Variants in ERGIC1 observed in about 807,000 individuals in gnomAD.
ERGIC1 encodes endoplasmic reticulum-golgi intermediate compartment 1, also known as endoplasmic reticulum-Golgi intermediate compartment protein 1.
ERGIC1 carries 19 observed loss-of-function variants against 38.3 expected under a neutral mutation model. The ratio of observed to expected loss-of-function variants is 0.50; its 90% CI spans 0.35 to 0.73. The LOEUF is 0.73. ERGIC1 is among the 30% of genes least tolerant of loss of function. The pLI, the probability that ERGIC1 is intolerant of heterozygous loss-of-function variation, is 0.01. For missense variants in ERGIC1, 294 were observed against 389.2 expected, an observed-to-expected ratio of 0.76 and a Z score of 2.06; for synonymous variants, 124 against 157.6, an observed-to-expected ratio of 0.79 and a Z score of 1.60.
chr5:172,838,778 C>T (rs1160143081), intron 1 of ERGIC1, among the ~76,000 whole-genome samples: 2 of 152,180 alleles, frequency 1.3e-5, no homozygotes, highest in East Asian at 3.9e-4. Flanking sequence ...CCCTGGTAGC[C>T]CCATCAGTTC....
At chr5:172,907,389 C>T (rs1763061864) in intron 3 of ERGIC1, among the ~76,000 whole-genome samples, 1 of 152,160 alleles carries the variant, frequency 6.6e-6, no homozygotes, top group South Asian at 2.1e-4. Context: ...GAAACCCCAC[C>T]TCTACTAAAA....
chr5:172,877,410 A>ATGTGTG (rs34909688), intron 1 of ERGIC1, among the ~76,000 whole-genome samples: 251 of 102,334 alleles, frequency 2.5e-3, no homozygotes, highest in African/African-American at 7.3e-3. Context: ...TATTATATAT[A>ATGTGTG]TGTGTGTGTG....
chr5:172,925,656 G>T (rs1763634092), intron 6 of ERGIC1, among the ~76,000 whole-genome samples: 1 of 152,022 alleles, frequency 6.6e-6, no homozygotes, highest in African/African-American at 2.4e-5. Flanking sequence ...GGGGCCACGT[G>T]GGCCTGTCTC....
intron 7 of ERGIC1, among the ~76,000 whole-genome samples, chr5:172,930,030 T>C (rs1490392841): frequency 1.3e-5 from 2 of 151,716 alleles, no homozygotes; most frequent in Admixed American, 6.6e-5. Context: ...CTACTAAAAA[T>C]ACAAAAAATT....
chr5:172,914,136 G>A (rs2113402727), intron 4 of ERGIC1, among the ~76,000 whole-genome samples: 1 of 151,406 alleles, frequency 6.6e-6, no homozygotes, highest in African/African-American at 2.4e-5. Context: ...TTGGGAGGCT[G>A]AGGCAGGAGA....
chr5:172,879,190 G>A (rs1018792060), intron 1 of ERGIC1, among the ~76,000 whole-genome samples: 1 of 152,212 alleles, frequency 6.6e-6, no homozygotes, highest in African/African-American at 2.4e-5. Flanking sequence ...AAATAGCAAA[G>A]CTGAGGCATT....
chr5:172,935,180 T>C lies in ERGIC1; in HGVS notation c.643-8T>C. ...TTGTACTTCTGATTCTTATATCCTC[T>C]ACCCCAGGAATACGTCGCCTACAGC... On this transcript the variant is annotated splice_polypyrimidine_tract_variant and splice_region_variant and intron_variant, in intron 8 of 9. Transcript: ENST00000393784. 6.8e-6 allele frequency: 11 copies of C among 1,613,958 alleles called. No homozygotes were observed. The highest frequency in any genetic ancestry group is 9.3e-6 in the Non-Finnish European group (11 of 1,179,992).
intron 9 of ERGIC1, among the ~76,000 whole-genome samples, chr5:172,940,998 G>C (rs1050641677): frequency 5.9e-5 from 9 of 152,360 alleles, no homozygotes; most frequent in African/African-American, 2.2e-4. Context: ...CATATTTTCA[G>C]CTGGGCGCGG....
rs141705821 is a variant in ERGIC1, at chr5:172,858,640, C to A, written c.20+24207C>A. ...CCCTGATGATTGATTCTAATCCAGGCCGCTTCTGAGGACACGAGGAAAAGG... is the reference window on the plus strand; with the variant it reads ...CCCTGATGATTGATTCTAATCCAGGACGCTTCTGAGGACACGAGGAAAAGG... On this transcript the variant is annotated intron_variant, in intron 1 of 9. Coordinates refer to ENST00000393784, the MANE Select transcript of ERGIC1 (RefSeq NM_001031711.3). Among the ~76,000 whole-genome samples, 642 of 152,340 alleles carry A rather than the reference C, an allele frequency of 4.2e-3. 2 individuals are homozygous for A. The highest frequency in any genetic ancestry group is 0.015 in the African/African-American group (628 of 41,572).
intron 1 of ERGIC1, among the ~76,000 whole-genome samples, chr5:172,862,093 G>A (rs1370151678): frequency 6.6e-6 from 1 of 151,552 alleles, no homozygotes; most frequent in Non-Finnish European, 1.5e-5. Context: ...CCGGGTTCAA[G>A]CGATTCTCCT....
At chr5:172,896,591 C>G (rs905191173) in intron 2 of ERGIC1, among the ~76,000 whole-genome samples, 5 of 152,178 alleles carry the variant, frequency 3.3e-5, no homozygotes, top group African/African-American at 1.2e-4. Flanking sequence ...TCTGGAGAAG[C>G]CAGAATGCTG....
chr5:172,915,333 G>A (rs1763333959), intron 5 of ERGIC1: 2 of 483,902 alleles, frequency 4.1e-6, no homozygotes, highest in East Asian at 8.3e-5. Flanking sequence ...AGGCTCTGGG[G>A]CAGCGTTCCT....
chr5:172,940,329 G>A (rs774839952), intron 9 of ERGIC1, among the ~76,000 whole-genome samples: 37 of 152,172 alleles, frequency 2.4e-4, no homozygotes, highest in Non-Finnish European at 4.4e-4. Flanking sequence ...TGCTCAGAGC[G>A]ATGCTCTGTG....
intron 4 of ERGIC1, 58 bp downstream of exon 4, chr5:172,909,819 G>A (rs1763162800): frequency 6.8e-7 from 1 of 1,471,334 alleles, no homozygotes; most frequent in South Asian, 1.1e-5. Flanking sequence ...GCAAATGTGT[G>A]TGTGCAGAAA....
intron 3 of ERGIC1, among the ~76,000 whole-genome samples, chr5:172,904,249 C>A (rs374111749): frequency 6.6e-6 from 1 of 152,228 alleles, no homozygotes; most frequent in African/African-American, 2.4e-5. Flanking sequence ...TGTTTACACA[C>A]GTAACCATCA....
chr5:172,915,691 G>A (rs1425781738), intron 5 of ERGIC1: 5 of 467,586 alleles, frequency 1.1e-5, no homozygotes, highest in African/African-American at 2.0e-5. Context: ...CATTTGACAG[G>A]TTAGGATGCT....
intron 1 of ERGIC1, among the ~76,000 whole-genome samples, chr5:172,887,248 G>C (rs968318190): frequency 6.6e-6 from 1 of 152,148 alleles, no homozygotes; most frequent in Non-Finnish European, 1.5e-5. Context: ...TGGAGCCGCC[G>C]GCCTCTCCAG....
At chr5:172,876,891 G>A (rs771179783) in intron 1 of ERGIC1, among the ~76,000 whole-genome samples, 7 of 151,984 alleles carry the variant, frequency 4.6e-5, no homozygotes, top group African/African-American at 1.5e-4. Context: ...GCAGTGAGCC[G>A]AAATCGCGCC....
intron 1 of ERGIC1, among the ~76,000 whole-genome samples, chr5:172,843,118 C>T (rs1027571066): frequency 6.6e-6 from 1 of 152,114 alleles, no homozygotes; most frequent in African/African-American, 2.4e-5. Context: ...TGCACTCCAG[C>T]CTGGGTGACA....
Sources: gnomAD v4.1 joint callset for allele counts (sites outside exome capture counted in the v4.1 genomes callset) on GRCh38, gnomAD v4.1.1 for gene constraint, MANE v1.5 for transcripts, NCBI Gene and HGNC (gene_info 2026-07-23, HGNC 2026-07-21) for gene names.